Variants in DHRSX observed in about 807,000 individuals in gnomAD.
DHRSX encodes dehydrogenase/reductase X-linked.
Under a neutral mutation model 34.0 loss-of-function variants are expected in DHRSX, and 31 were observed. The ratio of observed to expected loss-of-function variants is 0.91; its 90% CI spans 0.69 to 1.23. The LOEUF is 1.23. Among genes scored for constraint, DHRSX ranks in the 50% most tolerant of loss-of-function variants. The probability of loss-of-function intolerance (pLI) is 0.00; values close to 1 mark genes in which losing one functional copy is unlikely to be tolerated. For synonymous variants in DHRSX, 201 were observed against 183.8 expected (o/e 1.09, Z -0.76); for missense variants, 414 against 428.1 (o/e 0.97, Z 0.29).
chrX:2,430,474 C>A (rs940619728), intron 1 of DHRSX, among the ~76,000 whole-genome samples: 1 of 152,084 alleles, frequency 6.6e-6, no homozygotes, highest in South Asian at 2.1e-4. Context: ...GAACATGTTT[C>A]GCAAGATCGG....
chrX:2,475,672 G>A (rs1363218338), intron 1 of DHRSX, among the ~76,000 whole-genome samples: 2 of 150,664 alleles, frequency 1.3e-5, no homozygotes, highest in Non-Finnish European at 3.0e-5. Flanking sequence ...CACTGAACAC[G>A]TTCCCTAAGA....
At chrX:2,390,070 C>T (rs2043317066) in intron 3 of DHRSX, among the ~76,000 whole-genome samples, 2 of 151,998 alleles carry the variant, frequency 1.3e-5, no homozygotes, top group South Asian at 4.2e-4. Context: ...CATGAACCAC[C>T]GTGCCCGGCC....
In DHRSX at chrX:2,219,879, A is replaced by C. The variant is rs1266567010; in HGVS notation, c.*1162T>G. 1.3e-5 allele frequency: 2 copies of C among 152,122 alleles called. No individual in the cohort carries two copies. Among genetic ancestry groups the C allele is most frequent in the Non-Finnish European group, 2.9e-5 (2 of 68,032 alleles). The allele number at this position is 152,122 out of a possible 1,614,324, so 9.4% of individuals were successfully genotyped here. ...CCCAACATCTATCTCTCTAACACCA[A>C]AGGATTGAGCCTTCCTTGCCTGGCT... On this transcript the variant is annotated 3_prime_UTR_variant, in exon 7 of 7. Coordinates refer to ENST00000334651, the MANE Select transcript of DHRSX (RefSeq NM_145177.3).
chrX:2,405,320 C>G (rs1260981309), intron 3 of DHRSX, among the ~76,000 whole-genome samples: 1 of 151,744 alleles, frequency 6.6e-6, no homozygotes, highest in African/African-American at 2.4e-5. Flanking sequence ...AACCCCGTCT[C>G]TACTAAAAAT....
intron 3 of DHRSX, among the ~76,000 whole-genome samples, chrX:2,330,646 C>T (rs1408607335): frequency 2.3e-5 from 3 of 129,504 alleles, no homozygotes; most frequent in Admixed American, 8.7e-5. Flanking sequence ...GGAGAAGAAA[C>T]GAAAGAAGAT....
At chrX:2,310,373 T>C (rs1263041071) in intron 3 of DHRSX, among the ~76,000 whole-genome samples, 1 of 152,132 alleles carries the variant, frequency 6.6e-6, no homozygotes, top group East Asian at 1.9e-4. Context: ...TATATATTTA[T>C]CAATTTAAAA....
At chrX:2,421,193 A>C (rs2043775150) in intron 2 of DHRSX, among the ~76,000 whole-genome samples, 2 of 152,170 alleles carry the variant, frequency 1.3e-5, no homozygotes. Flanking sequence ...AGTCCAAGCA[A>C]CATGGTGAGG....
At chrX:2,399,255 G>A (rs2043453619) in intron 3 of DHRSX, among the ~76,000 whole-genome samples, 1 of 152,096 alleles carries the variant, frequency 6.6e-6, no homozygotes, top group Admixed American at 6.6e-5. Flanking sequence ...GTGACCTCAA[G>A]GAAAAATTAC....
chrX:2,254,067 A>C (rs2016504911), intron 5 of DHRSX, among the ~76,000 whole-genome samples: 1 of 151,924 alleles, frequency 6.6e-6, no homozygotes, highest in Non-Finnish European at 1.5e-5. Flanking sequence ...CTCAAAAAAA[A>C]ACAAAAAGAA....
At chrX:2,443,740 C>A (rs1196363948) in intron 1 of DHRSX, among the ~76,000 whole-genome samples, 2 of 152,214 alleles carry the variant, frequency 1.3e-5, no homozygotes, top group African/African-American at 4.8e-5. Flanking sequence ...GGCACGGTAG[C>A]TCACGCCTGT....
At chrX:2,376,610 C>T (rs192837116) in intron 3 of DHRSX, among the ~76,000 whole-genome samples, 1 of 137,466 alleles carries the variant, frequency 7.3e-6, no homozygotes, top group East Asian at 2.0e-4. Flanking sequence ...AGAGTAGTGT[C>T]ATTGCATACA....
At position 2,220,385 on chromosome X, in the gene DHRSX, G is replaced by C. The variant is rs1276839972; in HGVS notation, c.*656C>G. The C allele has an allele frequency of 6.6e-6, 1 of 152,156 alleles. No homozygotes were observed. Among genetic ancestry groups the C allele is most frequent in the Non-Finnish European group, 1.5e-5 (1 of 68,082 alleles). 9.4% of individuals were successfully genotyped at this position (152,156 alleles called of 1,614,324 possible). On this transcript the variant is annotated 3_prime_UTR_variant, in exon 7 of 7. Coordinates refer to ENST00000334651, the MANE Select transcript of DHRSX (RefSeq NM_145177.3). ...TAAAGTAATATTTATAGGTTCTGAG[G>C]GTTAGGGCATGAACATATCTTTTGA...
Position 2,426,031 on chromosome X carries a change from A to G in DHRSX, c.110-727T>C, listed in dbSNP as rs183397690. Among the ~76,000 whole-genome samples the G allele has an allele frequency of 9.1e-4, 138 of 152,240 alleles. 2 individuals carry two copies. The highest frequency in any genetic ancestry group is 3.0e-3 in the African/African-American group (126 of 41,534). ...GAGTGACGTGGAATATGCAACCCCA[A>G]TAAAGGAGATGGCTGGGGGGTGGAT... On this transcript the variant is annotated intron_variant, in intron 1 of 6. Coordinates refer to ENST00000334651, the MANE Select transcript of DHRSX (RefSeq NM_145177.3).
chrX:2,267,857 G>T (rs952493873), intron 4 of DHRSX, among the ~76,000 whole-genome samples: 1 of 152,100 alleles, frequency 6.6e-6, no homozygotes, highest in Admixed American at 6.6e-5. Flanking sequence ...TGAGGCGGGA[G>T]GATTGTTTGA....
intron 4 of DHRSX, among the ~76,000 whole-genome samples, chrX:2,282,714 A>AGGAGAGAGGGAGGG (rs2041730685): frequency 8.9e-6 from 1 of 112,678 alleles, no homozygotes; most frequent in Non-Finnish European, 1.8e-5. Context: ...GAGGGAAGGA[A>AGGAGAGAGGGAGGG]GGAGAGAGGG....
At chrX:2,352,232 TC>T (rs1207747928) in intron 3 of DHRSX, among the ~76,000 whole-genome samples, 4 of 151,924 alleles carry the variant, frequency 2.6e-5, no homozygotes, top group East Asian at 1.9e-4. Context: ...ATAAATGGTA[TC>T]CCAAGATGTT....
At chrX:2,257,384 A>G (rs1486047586) in intron 5 of DHRSX, among the ~76,000 whole-genome samples, 1 of 152,214 alleles carries the variant, frequency 6.6e-6, no homozygotes, top group Non-Finnish European at 1.5e-5. Context: ...CCCAATGCAC[A>G]ATAATTCGGG....
chrX:2,283,448 T>C (rs1249695429), intron 4 of DHRSX, among the ~76,000 whole-genome samples: 3 of 152,060 alleles, frequency 2.0e-5, no homozygotes, highest in Non-Finnish European at 4.4e-5. Flanking sequence ...AAGGATCCGC[T>C]GACGAATGCA....
chrX:2,314,248 G>A (rs2124521906), intron 3 of DHRSX, among the ~76,000 whole-genome samples: 2 of 46,904 alleles, frequency 4.3e-5, no homozygotes, highest in Non-Finnish European at 8.5e-5. Flanking sequence ...GGAAGGAAGG[G>A]AGGGAAGGAG....
Sources: allele counts gnomAD v4.1 joint callset (sites outside exome capture counted in the v4.1 genomes callset), GRCh38; gene constraint gnomAD v4.1.1; transcripts MANE v1.5; gene names NCBI Gene and HGNC (gene_info 2026-07-23, HGNC 2026-07-21).